The following EBF2 variants were observed in gnomAD, a reference collection of about 807,000 sequenced individuals.
EBF2 encodes transcription factor COE2.
In EBF2, 21 loss-of-function variants were observed where a neutral mutation model predicts 72.8. That is an observed-to-expected ratio of 0.29 (90% CI 0.20 to 0.42). EBF2 has a LOEUF of 0.42. Ranked by LOEUF, EBF2 falls within the 10% of genes least tolerant of loss-of-function variation. EBF2 has a pLI of 1.00. For missense variants in EBF2, 637 were observed against 731.2 expected (o/e 0.87, Z 1.49); for synonymous variants, 299 against 274.2 (o/e 1.09, Z -0.89).
At chr8:26,008,862 C>T (rs1468909683) in intron 6 of EBF2, among the ~76,000 whole-genome samples, 7 of 130,256 alleles carry the variant, frequency 5.4e-5, no homozygotes, top group Admixed American at 3.0e-4. Context: ...AAAAAAAACA[C>T]GAAAGTAAAG....
Position 25,952,602 on chromosome 8 carries a change from C to T in EBF2, c.552-44047G>A, listed in dbSNP as rs548086909. 3.3e-4 allele frequency among the ~76,000 whole-genome samples: 50 copies of T among 152,170 alleles called. No individual in the cohort carries two copies. In the Middle Eastern group the frequency reaches 0.01, roughly 31 times the overall value. On this transcript the variant is annotated intron_variant, in intron 6 of 15. Coordinates refer to ENST00000520164, the MANE Select transcript of EBF2 (RefSeq NM_022659.4). ...CACCTTCTGGCTCATGCCCAACCTG[C>T]CCTGCTCACTCCTTTTCACAGACTT...
intron 6 of EBF2, among the ~76,000 whole-genome samples, chr8:25,999,553 A>G (rs1365368770): frequency 6.6e-6 from 1 of 150,730 alleles, no homozygotes; most frequent in Non-Finnish European, 1.5e-5. Flanking sequence ...TGGTCTCTCT[A>G]CATCTGGGTT....
intron 13 of EBF2, among the ~76,000 whole-genome samples, chr8:25,860,489 T>A (rs1241681292): frequency 1.4e-5 from 2 of 140,040 alleles, no homozygotes; most frequent in Non-Finnish European, 3.2e-5. Context: ...ACCCAATCCT[T>A]TTTTTTTTTT....
At position 25,908,542 on chromosome 8, in the gene EBF2, A is replaced by C. The variant is rs1231714222; in HGVS notation, c.565T>G (p.Phe189Val). 1.2e-6 allele frequency: 2 copies of C among 1,611,204 alleles called. No individual in the cohort carries two copies. The highest frequency in any genetic ancestry group is 1.7e-6 in the Non-Finnish European group (2 of 1,177,742). Reference protein sequence around the residue: ...PVIIDRFFLKFFLKCNQNCLK... With the variant: ...PVIIDRFFLKVFLKCNQNCLK... Reference sequence around the variant, plus strand: ...CAATTCTGATTGCACTTGAGGAAAAATTTTAAAAAGAATCTGTGAAGAGAA... The same window carrying C: ...CAATTCTGATTGCACTTGAGGAAAACTTTTAAAAAGAATCTGTGAAGAGAA... Residue 189 changes from phenylalanine to valine, a missense_variant, in exon 7 of 16, where the codon TTT (phenylalanine) becomes GTT (valine). Physicochemically the swap from Phe to Val is conservative, Grantham distance 50 (BLOSUM62 -1). Around this residue, in one of 3 missense-constraint regions of EBF2, gnomAD observed 204 missense variants for 301.2 expected, o/e 0.68. Transcript: ENST00000520164.
At chr8:25,855,444 CAGT>C (rs1193187190) in intron 14 of EBF2, among the ~76,000 whole-genome samples, 2 of 152,286 alleles carry the variant, frequency 1.3e-5, no homozygotes, top group Admixed American at 1.3e-4. Context: ...AGAGCAAAAA[CAGT>C]AAAGATGCGG....
At chr8:25,954,247 C>T (rs562924120) in intron 6 of EBF2, among the ~76,000 whole-genome samples, 2 of 152,166 alleles carry the variant, frequency 1.3e-5, no homozygotes, top group African/African-American at 2.4e-5. Flanking sequence ...CACCTGGAAA[C>T]CCAAACTGCT....
chr8:26,044,846 T>C lies in EBF2; in HGVS notation c.14A>G (p.Gln5Arg). Residue 5 changes from glutamine (Q) to arginine (R), a missense_variant, in exon 1 of 16, where the codon CAA (glutamine) becomes CGA (arginine). Physicochemically the swap from Gln to Arg is conservative, Grantham distance 43 (BLOSUM62 1). Coordinates refer to ENST00000520164, the MANE Select transcript of EBF2 (RefSeq NM_022659.4). The surrounding 1 kb of genome is among the most constrained non-coding windows in gnomAD (Gnocchi z 4.1). Reference sequence around the variant, plus strand: ...AGTTGGTCCTCTTCCTAAAGTATCTTGAATTCCAAACATTTAAAAAGTCTG... The same window carrying C: ...AGTTGGTCCTCTTCCTAAAGTATCTCGAATTCCAAACATTTAAAAAGTCTG... MFGIQDTLGRGPTLK... is the reference protein window; with the variant it reads MFGIRDTLGRGPTLK... 1.9e-6 allele frequency: 3 copies of C among 1,614,142 alleles called. No homozygotes were observed. Among genetic ancestry groups the C allele is most frequent in the Non-Finnish European group, 2.5e-6 (3 of 1,180,028 alleles).
In EBF2 at chr8:25,905,673, G is replaced by A. The variant is rs1406848205; in HGVS notation, c.633+2801C>T. Among the ~76,000 whole-genome samples the A allele has an allele frequency of 3.3e-5, 5 of 152,200 alleles. No homozygotes were observed. The East Asian group carries it at 9.6e-4, about 29-fold the overall frequency. On this transcript the variant is annotated intron_variant, in intron 7 of 15. Coordinates refer to ENST00000520164, the MANE Select transcript of EBF2 (RefSeq NM_022659.4). ...AGAAAGTAGATTAGTGGTTGCCAGT[G>A]AATGGGGAGAAACAGGAACTGGGAG...
chr8:25,859,169 G>T (rs544919638), intron 13 of EBF2, among the ~76,000 whole-genome samples: 32 of 152,332 alleles, frequency 2.1e-4, no homozygotes, highest in Admixed American at 3.9e-4. Flanking sequence ...ACATTCTGTG[G>T]TCAAGTTAGG....
At chr8:25,899,530 T>C (rs751326060) in intron 7 of EBF2, among the ~76,000 whole-genome samples, 13 of 152,216 alleles carry the variant, frequency 8.5e-5, no homozygotes, top group Non-Finnish European at 1.9e-4. Context: ...ATTTAAACTC[T>C]CGTTTCCCTC....
intron 7 of EBF2, among the ~76,000 whole-genome samples, chr8:25,896,233 C>A (rs958949816): frequency 1.3e-5 from 2 of 152,178 alleles, no homozygotes; most frequent in Non-Finnish European, 2.9e-5. Flanking sequence ...GAAACCTCCC[C>A]GTATGGGCCA....
chr8:25,983,439 C>T (rs1481338637), intron 6 of EBF2, among the ~76,000 whole-genome samples: 1 of 152,124 alleles, frequency 6.6e-6, no homozygotes, highest in Non-Finnish European at 1.5e-5. Flanking sequence ...TTTGTTATTT[C>T]GTTTTATAAT....
intron 6 of EBF2, among the ~76,000 whole-genome samples, chr8:25,917,503 T>G (rs578034096): frequency 3.5e-4 from 54 of 152,312 alleles, no homozygotes; most frequent in African/African-American, 1.2e-3. Context: ...AAACAACCCA[T>G]GTCCTCTTCT....
At chr8:25,932,621 A>G (rs1284479768) in intron 6 of EBF2, among the ~76,000 whole-genome samples, 1 of 152,226 alleles carries the variant, frequency 6.6e-6, no homozygotes, top group Non-Finnish European at 1.5e-5. Flanking sequence ...GATTTTGGCA[A>G]CTACATCATA....
At chr8:26,034,189 T>A (rs1417722598) in intron 5 of EBF2, among the ~76,000 whole-genome samples, 1 of 152,242 alleles carries the variant, frequency 6.6e-6, no homozygotes, top group Admixed American at 6.5e-5. Flanking sequence ...ATTCATTCAC[T>A]TATTTCCATC....
rs1297967476 is a variant in EBF2 at position 26,044,570 on chromosome 8, G to A, written c.131+159C>T. ...GGGTGAGCGTTCGCCTGACTGCAGC[G>A]ATCTGCTTGCCCGAGGGCGAGCCCC... On this transcript the variant is annotated intron_variant, in intron 1 of 15. Coordinates refer to ENST00000520164, the MANE Select transcript of EBF2 (RefSeq NM_022659.4). This position sits in a 1 kb window ranked among gnomAD's most constrained non-coding sequence, Gnocchi z 4.1. Among the ~76,000 whole-genome samples, 2 of 152,204 alleles carry A rather than the reference G, an allele frequency of 1.3e-5. No individual in the cohort carries two copies. The highest frequency in any genetic ancestry group is 1.3e-4 in the Admixed American group (2 of 15,282).
intron 6 of EBF2, among the ~76,000 whole-genome samples, chr8:25,968,525 G>C (rs771878304): frequency 1.3e-5 from 2 of 152,124 alleles, no homozygotes; most frequent in South Asian, 4.1e-4. Flanking sequence ...CCAGTAGCTG[G>C]GGGGAGGGGA....
intron 6 of EBF2, among the ~76,000 whole-genome samples, chr8:25,913,588 A>T (rs1803165043): frequency 6.6e-6 from 1 of 152,200 alleles, no homozygotes; most frequent in Non-Finnish European, 1.5e-5. Flanking sequence ...TTAAAAAAGA[A>T]TCTAATTCTG....
chr8:25,969,144 C>T (rs975989200), intron 6 of EBF2, among the ~76,000 whole-genome samples: 13 of 152,154 alleles, frequency 8.5e-5, no homozygotes, highest in Non-Finnish European at 1.9e-4. Flanking sequence ...TTTCTTAAGA[C>T]ATCTCAAAGT....
Sources: allele counts gnomAD v4.1 joint callset (sites outside exome capture counted in the v4.1 genomes callset), GRCh38; gene constraint gnomAD v4.1.1; regional missense constraint gnomAD v4.1.1; non-coding constraint Gnocchi (gnomAD v3.1); transcripts MANE v1.5; gene names NCBI Gene and HGNC (gene_info 2026-07-23, HGNC 2026-07-21).